HDAC5: variants seen among roughly 807,000 people sequenced by gnomAD.
HDAC5 encodes the protein antigen NY-CO-9.
HDAC5 carries 25 observed loss-of-function variants against 133.3 expected under a neutral mutation model. The observed-to-expected ratio is 0.19, with a 90% confidence interval of 0.14 to 0.26. The LOEUF is 0.26. Ranked by LOEUF, HDAC5 falls within the 10% of genes least tolerant of loss-of-function variation. The pLI, the probability that HDAC5 is intolerant of heterozygous loss-of-function variation, is 1.00. For missense variants in HDAC5, 1,041 were observed against 1,460.5 expected, an observed-to-expected ratio of 0.71 and a Z score of 4.68; for synonymous variants, 589 against 610.8, an observed-to-expected ratio of 0.96 and a Z score of 0.53.
intron 18 of HDAC5, among the ~76,000 whole-genome samples, 168 bp from the exon 19 acceptor site, chr17:44,082,988 G>GT (rs945363233): frequency 1.3e-5 from 2 of 151,908 alleles, no homozygotes; most frequent in Admixed American, 6.6e-5. Context: ...TTTTTTATGG[G>GT]TTTTTTTGGA....
Position 44,080,242 on chromosome 17 carries a change from C to A in HDAC5, c.2826-17G>T. On this transcript the variant is annotated splice_polypyrimidine_tract_variant and intron_variant, in intron 22 of 26. Coordinates refer to ENST00000682912, the MANE Select transcript of HDAC5 (RefSeq NM_005474.5). ...ACCACTGTCCTGCAAAGGGATGGCT[C>A]AAGCTGAGCCCGGCAGATGACCAGG... is the stretch of plus-strand genomic sequence containing the variant. 6.2e-7 allele frequency: 1 copy of A among 1,606,602 alleles called. No individual in the cohort carries two copies. Among genetic ancestry groups the A allele is most frequent in the African/African-American group, 1.3e-5 (1 of 74,850 alleles).
At chr17:44,081,386 A>G (rs901051217) in intron 20 of HDAC5, among the ~76,000 whole-genome samples, 1 of 151,312 alleles carries the variant, frequency 6.6e-6, no homozygotes, top group East Asian at 1.9e-4. Context: ...AGTAGCTGGG[A>G]TTACAGGCGC....
intron 11 of HDAC5, among the ~76,000 whole-genome samples, chr17:44,090,083 A>C (rs1019376770): frequency 2.0e-5 from 3 of 151,254 alleles, no homozygotes; most frequent in African/African-American, 7.3e-5. Flanking sequence ...AAATACAAAA[A>C]TTAGCCAGGC....
Position 44,117,378 on chromosome 17 carries a change from C to G in HDAC5, c.22+116G>C, listed in dbSNP as rs1055122631. On this transcript the variant is annotated intron_variant, in intron 2 of 26. Coordinates refer to ENST00000682912, the MANE Select transcript of HDAC5 (RefSeq NM_005474.5). This position sits in a 1 kb window ranked among gnomAD's most constrained non-coding sequence, Gnocchi z 4.2. The stretch of plus-strand genomic sequence containing the variant: ...TGCAACACTTCTCCACTCCTTACCC[C>G]CTCATTCCCTTATAGCTCAGACAGT... The G allele has an allele frequency of 5.5e-5, 62 of 1,135,992 alleles. No individual in the cohort carries two copies. Among genetic ancestry groups the G allele is most frequent in the Non-Finnish European group, 7.8e-5 (58 of 745,518 alleles). The allele number at this position is 1,135,992 out of a possible 1,614,324, so 70.4% of individuals were successfully genotyped here. A position where few individuals can be genotyped will look rare whatever the true frequency, so the allele number is the denominator to read the frequency against.
At chr17:44,082,506 G>A (rs955284223) in intron 20 of HDAC5, 79 bp downstream of exon 20, 10 of 1,139,136 alleles carry the variant, frequency 8.8e-6, no homozygotes, top group South Asian at 1.2e-5. Flanking sequence ...AGGTGGGGCT[G>A]GGGGAGGAGA....
chr17:44,116,732 G>A, intron 2 of HDAC5, among the ~76,000 whole-genome samples: 1 of 152,096 alleles, frequency 6.6e-6, no homozygotes, highest in Admixed American at 6.5e-5. Flanking sequence ...TGAGGGTCCA[G>A]CTCAGGCCAC....
intron 3 of HDAC5, among the ~76,000 whole-genome samples, chr17:44,104,316 A>C (rs927231195): frequency 2.0e-5 from 3 of 152,198 alleles, no homozygotes; most frequent in Admixed American, 2.0e-4. Flanking sequence ...AAAAAAATTA[A>C]AAAAATAAAT....
intron 20 of HDAC5, chr17:44,081,540 A>G (rs1382383516): frequency 1.4e-5 from 2 of 146,808 alleles, no homozygotes; most frequent in Non-Finnish European, 3.0e-5. Context: ...GGCATGAGTC[A>G]CTGTACCCGG....
rs767745994 is a variant in HDAC5, at chr17:44,093,364, C to T, written c.476G>A (p.Arg159Gln). 8 of 1,581,214 alleles carry T rather than the reference C, an allele frequency of 5.1e-6. No individual in the cohort carries two copies. The highest frequency in any genetic ancestry group is 5.1e-6 in the Non-Finnish European group (6 of 1,167,242). Reference sequence around the variant, plus strand: ...CAGGATGAGCAGCTGCTGCTCCAGCCGCTGCTTCTCCAGCTCTTCCTGCCG... The same window carrying T: ...CAGGATGAGCAGCTGCTGCTCCAGCTGCTGCTTCTCCAGCTCTTCCTGCCG... ...QQRQEELEKQ[R>Q]LEQQLLILRN... The change falls in exon 5 of 27, where the codon CGG becomes CAG. Residue 159 changes from arginine (R) to glutamine (Q), a missense_variant. Transcript: ENST00000682912.
intron 3 of HDAC5, among the ~76,000 whole-genome samples, chr17:44,108,756 A>C (rs1166736470): frequency 2.2e-5 from 3 of 135,684 alleles, no homozygotes; most frequent in Non-Finnish European, 4.7e-5. Flanking sequence ...GAGTCCAAAA[A>C]AAAAACAAAA....
chr17:44,098,760 G>T (rs896265810), intron 3 of HDAC5, among the ~76,000 whole-genome samples: 2 of 141,094 alleles, frequency 1.4e-5, no homozygotes, highest in African/African-American at 5.1e-5. Context: ...AAAAAAAGAG[G>T]GTAGACGAAG....
rs778460773 is a variant in HDAC5, at chr17:44,083,790, G to A, written c.2355+15C>T. The stretch of plus-strand genomic sequence containing the variant: ...GAGCCGCCCGCCCACCCCCACTGCT[G>A]TACGCCCTACTCACCCCGATGCCCC... On this transcript the variant is annotated intron_variant, in intron 17 of 26. Transcript: ENST00000682912. 1.3e-5 allele frequency: 21 copies of A among 1,555,748 alleles called. No homozygotes were observed. The highest frequency in any genetic ancestry group is 1.8e-5 in the Non-Finnish European group (20 of 1,127,602).
intron 3 of HDAC5, among the ~76,000 whole-genome samples, chr17:44,096,482 T>G (rs1269875280): frequency 6.6e-6 from 1 of 151,018 alleles, no homozygotes; most frequent in African/African-American, 2.4e-5. Flanking sequence ...TTTGTTTTTT[T>G]TTTTTTTGGA....
At chr17:44,079,678 A>AAAGAAACAC (rs1379092332) in intron 23 of HDAC5, among the ~76,000 whole-genome samples, 1 of 151,974 alleles carries the variant, frequency 6.6e-6, no homozygotes, top group African/African-American at 2.4e-5. Context: ...AAGGAGAGAA[A>AAAGAAACAC]AAGAAACACA....
intron 1 of HDAC5, among the ~76,000 whole-genome samples, chr17:44,122,598 G>A (rs1211003538): frequency 6.6e-6 from 1 of 152,172 alleles, no homozygotes. Flanking sequence ...GGGGTATCAA[G>A]TGGTCATCTC....
rs764964531 is a variant in HDAC5 at position 44,088,524 on chromosome 17, G to A, written c.1462C>T (p.Pro488Ser). 6.2e-7 allele frequency: 1 copy of A among 1,613,464 alleles called. No homozygotes were observed. Among genetic ancestry groups the A allele is most frequent in the Admixed American group, 1.7e-5 (1 of 60,014 alleles). The change falls in exon 12 of 27, where the codon CCG becomes TCG. Residue 488 changes from proline (P) to serine (S), a missense_variant. Physicochemically the swap from Pro to Ser is moderately conservative, Grantham distance 74. Transcript: ENST00000682912. The stretch of plus-strand genomic sequence containing the variant: ...GTGCGGCTCAGGGGCCGATGCCGCG[G>A]GAGCTTGCCTACCGTCCGCATGCTG... Reference protein sequence around the residue: ...ATSMRTVGKLPRHRPLSRTQS... With the variant: ...ATSMRTVGKLSRHRPLSRTQS...
chr17:44,118,480 A>AT (rs35183280), intron 1 of HDAC5, among the ~76,000 whole-genome samples: 1 of 152,102 alleles, frequency 6.6e-6, no homozygotes, highest in Non-Finnish European at 1.5e-5. Flanking sequence ...ACAAGGGACG[A>AT]TTTTTTCCCA....
chr17:44,093,511 C>T (rs2051073144), intron 4 of HDAC5, 26 bp from the exon 5 acceptor site: 3 of 1,600,936 alleles, frequency 1.9e-6, no homozygotes, highest in African/African-American at 1.3e-5. Context: ...AACGGAGGCA[C>T]AAGTGAGCCA....
At chr17:44,093,014 A>T in intron 6 of HDAC5, 78 bp downstream of exon 6, 1 of 1,027,468 alleles carries the variant, frequency 9.7e-7, no homozygotes, top group Non-Finnish European at 1.4e-6. Context: ...CACGGGGAAG[A>T]AGCCCCTTGC....
Sources: gnomAD v4.1 joint callset for allele counts (sites outside exome capture counted in the v4.1 genomes callset) on GRCh38, gnomAD v4.1.1 for gene constraint, Gnocchi (gnomAD v3.1) non-coding constraint, MANE v1.5 for transcripts, NCBI Gene and HGNC (gene_info 2026-07-23, HGNC 2026-07-21) for gene names.